ATRNL1: variants seen among roughly 807,000 people sequenced by gnomAD.
The protein encoded by ATRNL1 is attractin like 1.
ATRNL1 carries 95 observed loss-of-function variants against 182.7 expected under a neutral mutation model. The observed-to-expected ratio is 0.52, with a 90% CI of 0.44 to 0.62. ATRNL1 has a LOEUF of 0.62. Among genes scored for constraint, ATRNL1 ranks in the 20% least tolerant of loss-of-function variants. ATRNL1 has a pLI of 0.00. For missense variants in ATRNL1, 1,471 were observed against 1,679.5 expected (o/e 0.88, Z 2.17); for synonymous variants, 576 against 568.3 (o/e 1.01, Z -0.19).
chr10:115,792,357 G>A (rs1949549313), intron 27 of ATRNL1, among the ~76,000 whole-genome samples: 1 of 152,010 alleles, frequency 6.6e-6, no homozygotes, highest in Non-Finnish European at 1.5e-5. Context: ...GTATCATTCA[G>A]CTATAATCTG....
chr10:115,241,459 C>A, intron 9 of ATRNL1, 112 bp from the exon 10 acceptor site: 1 of 567,872 alleles, frequency 1.8e-6, no homozygotes, highest in Non-Finnish European at 2.8e-6. Flanking sequence ...GTTTTTTTCC[C>A]CCACAATTCC....
At chr10:115,493,624 C>T (rs941104891) in intron 24 of ATRNL1, among the ~76,000 whole-genome samples, 11 of 152,234 alleles carry the variant, frequency 7.2e-5, no homozygotes, top group Non-Finnish European at 5.9e-5. Flanking sequence ...CCTTTGGGTA[C>T]ATACCCAATA....
chr10:115,230,923 A>AGAGAGAGAAAG (rs1849919502), intron 9 of ATRNL1, among the ~76,000 whole-genome samples: 1 of 77,530 alleles, frequency 1.3e-5, no homozygotes, highest in African/African-American at 4.8e-5. Flanking sequence ...GAGAGAGAGA[A>AGAGAGAGAAAG]AGAGAGAAAT....
At chr10:115,297,238 G>T (rs1414909981) in intron 15 of ATRNL1, among the ~76,000 whole-genome samples, 1 of 152,118 alleles carries the variant, frequency 6.6e-6, no homozygotes, top group Admixed American at 6.6e-5. Context: ...AATGTGACAA[G>T]GTGTATTTGT....
At chr10:115,160,492 C>T (rs1458729721) in intron 6 of ATRNL1, among the ~76,000 whole-genome samples, 2 of 254 alleles carry the variant, frequency 7.9e-3, no homozygotes, top group Non-Finnish European at 0.02. Flanking sequence ...AGGCCTTTGC[C>T]TATATGGATA....
intron 27 of ATRNL1, among the ~76,000 whole-genome samples, chr10:115,803,973 G>A (rs951868147): frequency 2.0e-5 from 3 of 152,082 alleles, no homozygotes; most frequent in Admixed American, 6.6e-5. Context: ...GTAAATGAAC[G>A]ATTTTGACTC....
chr10:115,155,464 A>G (rs185101330), intron 5 of ATRNL1, among the ~76,000 whole-genome samples: 1 of 152,230 alleles, frequency 6.6e-6, no homozygotes, highest in East Asian at 1.9e-4. Flanking sequence ...ATTTAGAAAA[A>G]TCTTATATTC....
At chr10:115,621,224 T>C (rs1592960171) in intron 26 of ATRNL1, among the ~76,000 whole-genome samples, 2 of 144,964 alleles carry the variant, frequency 1.4e-5, no homozygotes, top group South Asian at 2.2e-4. Context: ...AGTTTCCTTA[T>C]AGAGTTCAAA....
At chr10:115,573,710 A>G (rs1854541528) in intron 26 of ATRNL1, among the ~76,000 whole-genome samples, 1 of 152,176 alleles carries the variant, frequency 6.6e-6, no homozygotes, top group Admixed American at 6.5e-5. Context: ...TTAAATTCCA[A>G]TACCAGGTGA....
intron 27 of ATRNL1, among the ~76,000 whole-genome samples, chr10:115,767,735 T>C (rs1443236692): frequency 6.6e-6 from 1 of 152,180 alleles, no homozygotes; most frequent in African/African-American, 2.4e-5. Context: ...TTTTTCTTTA[T>C]AGCTCAGCTT....
intron 27 of ATRNL1, among the ~76,000 whole-genome samples, chr10:115,769,643 T>C (rs114046479): frequency 6.6e-6 from 1 of 152,156 alleles, no homozygotes; most frequent in African/African-American, 2.4e-5. Context: ...GAGTTATTCA[T>C]GCCTGGTTTT....
intron 25 of ATRNL1, among the ~76,000 whole-genome samples, chr10:115,544,700 T>A (rs1336113): frequency 6.6e-6 from 1 of 151,950 alleles, no homozygotes; most frequent in Non-Finnish European, 1.5e-5. Context: ...AGATTTGAGT[T>A]GGGACAAATA....
chr10:115,633,916 C>T lies in ATRNL1; in HGVS notation c.3795+84380C>T, dbSNP rs559296919. Among the ~76,000 whole-genome samples, 3 of 152,060 alleles carry T rather than the reference C, an allele frequency of 2.0e-5. No individual in the cohort carries two copies. In the South Asian group the frequency reaches 6.2e-4, roughly 32 times the overall value. ...ATTTGCTAGTAGTTGTAGGTAAATT[C>T]CTTTATTATAAAATAAATTTACCTT... On this transcript the variant is annotated intron_variant, in intron 26 of 28. Coordinates refer to ENST00000355044, the MANE Select transcript of ATRNL1 (RefSeq NM_207303.4).
intron 26 of ATRNL1, among the ~76,000 whole-genome samples, chr10:115,627,846 T>C (rs782690757): frequency 2.0e-5 from 3 of 152,130 alleles, no homozygotes; most frequent in Non-Finnish European, 4.4e-5. Flanking sequence ...AATATGGTTG[T>C]TCTATTTTTA....
In ATRNL1 at chr10:115,847,978, C is replaced by T; in HGVS notation, c.4005C>T (p.Pro1335=). ...CACGAGGATCATCAGGTGCCCCTCC[C>T]CCTGGGCAGTCAGGTATGATAAATG... is the stretch of plus-strand genomic sequence containing the variant. ...CLPRGSSGAP[P]PGQSGLAIAS... is the part of the protein sequence containing the mutation. The change falls in exon 28 of 29, where the codon CCC becomes CCT. Residue 1335 remains proline (P), a synonymous_variant. Coordinates refer to ENST00000355044, the MANE Select transcript of ATRNL1 (RefSeq NM_207303.4). 1 of 1,599,260 alleles carries T rather than the reference C, an allele frequency of 6.3e-7. No homozygotes were observed. The highest frequency in any genetic ancestry group is 8.6e-7 in the Non-Finnish European group (1 of 1,166,998).
intron 6 of ATRNL1, among the ~76,000 whole-genome samples, chr10:115,161,463 G>T (rs1846779216): frequency 6.6e-6 from 1 of 151,902 alleles, no homozygotes; most frequent in African/African-American, 2.4e-5. Flanking sequence ...TATGTTTAAA[G>T]AAAATGAGAA....
At chr10:115,752,626 A>G (rs1469047665) in intron 27 of ATRNL1, among the ~76,000 whole-genome samples, 1 of 152,014 alleles carries the variant, frequency 6.6e-6, no homozygotes, top group Non-Finnish European at 1.5e-5. Flanking sequence ...ATGAAGACAG[A>G]CATTTACATA....
At chr10:115,926,050 A>G (rs1953221276) in intron 28 of ATRNL1, among the ~76,000 whole-genome samples, 1 of 151,876 alleles carries the variant, frequency 6.6e-6, no homozygotes, top group Admixed American at 6.6e-5. Flanking sequence ...AACTAAAATC[A>G]TAACAGTCTC....
chr10:115,807,986 CT>C (rs2134249596), intron 27 of ATRNL1, among the ~76,000 whole-genome samples: 1 of 152,180 alleles, frequency 6.6e-6, no homozygotes, highest in South Asian at 2.1e-4. Flanking sequence ...GGGGTTTGTT[CT>C]TTTTGTGTGT....
Sources: allele counts gnomAD v4.1 joint callset (sites outside exome capture counted in the v4.1 genomes callset), GRCh38; gene constraint gnomAD v4.1.1; transcripts MANE v1.5; gene names NCBI Gene and HGNC (gene_info 2026-07-23, HGNC 2026-07-21).